Variants in CFAP53 observed in about 807,000 individuals in gnomAD.
CFAP53 encodes cilia- and flagella-associated protein 53.
A neutral mutation model predicts 59.7 loss-of-function variants in CFAP53; 62 were observed. The observed-to-expected ratio is 1.04, with a 90% CI of 0.85 to 1.28. The LOEUF is 1.28. Among genes scored for constraint, CFAP53 ranks in the 50% most tolerant of loss-of-function variants. The pLI is 0.00. For synonymous variants in CFAP53, 218 were observed against 205.7 expected, an observed-to-expected ratio of 1.06 and a Z score of -0.51; for missense variants, 629 against 615.6, an observed-to-expected ratio of 1.02 and a Z score of -0.23.
chr18:50,227,343 TTA>T lies in CFAP53; in HGVS notation c.*36_*37del. 6.5e-7 allele frequency: 1 copy of T among 1,541,398 alleles called. No homozygotes were observed. Among genetic ancestry groups the T allele is most frequent in the Non-Finnish European group, 8.9e-7 (1 of 1,117,996 alleles). On this transcript the variant is annotated 3_prime_UTR_variant, in exon 8 of 8. Transcript: ENST00000398545. ...TACAAGCATACTGTAGTTAAAAATA[TTA>T]AAAGACCAAGAAAAGATATATTGAT...
intron 7 of CFAP53, among the ~76,000 whole-genome samples, chr18:50,232,657 T>A (rs1261515188): frequency 6.6e-6 from 1 of 152,222 alleles, no homozygotes; most frequent in Non-Finnish European, 1.5e-5. Flanking sequence ...AATGGCCTTA[T>A]GCTAAATAGG....
intron 3 of CFAP53, among the ~76,000 whole-genome samples, chr18:50,254,136 T>TAA (rs1555672518): frequency 4.2e-5 from 6 of 141,604 alleles, no homozygotes; most frequent in African/African-American, 1.3e-4. Context: ...AAAAACCATT[T>TAA]AAAAAAAAAA....
At chr18:50,255,494 C>G (rs1009974977) in intron 3 of CFAP53, among the ~76,000 whole-genome samples, 1 of 151,592 alleles carries the variant, frequency 6.6e-6, no homozygotes, top group Admixed American at 6.6e-5. Context: ...TTGAGGGAAA[C>G]TAGGTGAAGG....
intron 5 of CFAP53, among the ~76,000 whole-genome samples, chr18:50,245,674 G>C (rs2033737270): frequency 6.6e-6 from 1 of 152,260 alleles, no homozygotes; most frequent in South Asian, 2.1e-4. Flanking sequence ...CTGTGAAAAT[G>C]ACAGCACTTC....
intron 1 of CFAP53, 86 bp downstream of exon 1, chr18:50,266,250 G>C: frequency 7.7e-7 from 1 of 1,302,510 alleles, no homozygotes; most frequent in Non-Finnish European, 1.1e-6. Context: ...AAGGCCCCGG[G>C]TGGGGGCCGA....
At chr18:50,266,237 G>A in intron 1 of CFAP53, 99 bp downstream of exon 1, 4 of 1,149,540 alleles carry the variant, frequency 3.5e-6, no homozygotes, top group South Asian at 1.3e-5. Flanking sequence ...CGTTCCCCTC[G>A]AGAAGGCCCC....
At chr18:50,252,391 A>T (rs2033809814) in intron 3 of CFAP53, among the ~76,000 whole-genome samples, 1 of 151,418 alleles carries the variant, frequency 6.6e-6, no homozygotes, top group South Asian at 2.1e-4. Flanking sequence ...GGCGTGAGCC[A>T]CCGTACCCAG....
At chr18:50,239,927 A>G (rs916382519) in intron 6 of CFAP53, among the ~76,000 whole-genome samples, 3 of 152,170 alleles carry the variant, frequency 2.0e-5, no homozygotes, top group African/African-American at 7.2e-5. Context: ...TTTTTTCAAT[A>G]TTTTCTATAA....
chr18:50,232,727 T>C (rs765191702), intron 7 of CFAP53, among the ~76,000 whole-genome samples: 14 of 152,212 alleles, frequency 9.2e-5, no homozygotes, highest in Non-Finnish European at 2.1e-4. Context: ...TTGGGAAGAA[T>C]TTATCCCACA....
intron 5 of CFAP53, among the ~76,000 whole-genome samples, chr18:50,247,288 A>T (rs556724567): frequency 2.6e-5 from 4 of 151,690 alleles, no homozygotes; most frequent in Non-Finnish European, 4.4e-5. Context: ...TGGGTAAAAT[A>T]AAAAAAACAG....
chr18:50,259,472 G>A (rs1429513395), intron 3 of CFAP53, among the ~76,000 whole-genome samples: 2 of 149,910 alleles, frequency 1.3e-5, no homozygotes, highest in Non-Finnish European at 3.0e-5. Flanking sequence ...GGGGTTGGGG[G>A]TGGAGGTGGG....
At position 50,237,304 on chromosome 18, in the gene CFAP53, C is replaced by CAAAAAAAAAAAA. The variant is rs143356494; in HGVS notation, c.1316+1287_1316+1298dup. ...TAGGTGACAGAGCAAGACTCCATCT[C>CAAAAAAAAAAAA]AAAAAAAAAAAAAAAAAAAAAAAAA... is the stretch of plus-strand genomic sequence containing the variant. On this transcript the variant is annotated intron_variant, in intron 7 of 7. Transcript: ENST00000398545. Among the ~76,000 whole-genome samples the CAAAAAAAAAAAA allele has an allele frequency of 8.6e-4, 8 of 9,342 alleles. 1 individual carries two copies. Among genetic ancestry groups the CAAAAAAAAAAAA allele is most frequent in the Non-Finnish European group, 1.3e-3 (5 of 3,840 alleles). The allele number at this position is 9,342 out of a possible 152,430, so 6.1% of individuals were successfully genotyped here. A position where few individuals can be genotyped will look rare whatever the true frequency, so the allele number is the denominator to read the frequency against.
intron 6 of CFAP53, among the ~76,000 whole-genome samples, chr18:50,241,819 G>T (rs572593319): frequency 1.3e-5 from 2 of 152,200 alleles, no homozygotes; most frequent in East Asian, 3.9e-4. Flanking sequence ...CACTGTGCAC[G>T]CATTGTCTTG....
intron 3 of CFAP53, 38 bp downstream of exon 3, chr18:50,261,026 A>G (rs2033887341): frequency 6.3e-7 from 1 of 1,576,804 alleles, no homozygotes; most frequent in Admixed American, 2.0e-5. Flanking sequence ...TAATGTACCA[A>G]CTTTGGATTC....
chr18:50,237,097 G>C (rs2033641187), intron 7 of CFAP53, among the ~76,000 whole-genome samples: 1 of 150,852 alleles, frequency 6.6e-6, no homozygotes, highest in Admixed American at 6.7e-5. Flanking sequence ...ACGAGGTCAG[G>C]AGTTCAAGAC....
intron 6 of CFAP53, 39 bp from the exon 7 acceptor site, chr18:50,238,744 C>T (rs973330550): frequency 4.7e-6 from 7 of 1,492,606 alleles, no homozygotes; most frequent in Non-Finnish European, 6.5e-6. Context: ...AAATGACTTT[C>T]AGACAAGAAT....
chr18:50,263,680 C>T (rs1189555212), intron 1 of CFAP53, among the ~76,000 whole-genome samples: 1 of 152,120 alleles, frequency 6.6e-6, no homozygotes, highest in Non-Finnish European at 1.5e-5. Flanking sequence ...ACAGTGGCAC[C>T]CTTGGCAGCA....
intron 4 of CFAP53, among the ~76,000 whole-genome samples, 184 bp downstream of exon 4, chr18:50,251,297 T>G (rs919165217): frequency 6.6e-6 from 1 of 152,206 alleles, no homozygotes; most frequent in African/African-American, 2.4e-5. Context: ...CTTCCACACT[T>G]GACCCTTCTA....
Position 50,256,261 on chromosome 18 carries a change from G to A in CFAP53, c.474-4477C>T, listed in dbSNP as rs1228823108. 2.0e-5 allele frequency: 3 copies of A among 152,148 alleles called. No individual in the cohort carries two copies. In the East Asian group the frequency reaches 5.8e-4, roughly 29 times the overall value. 9.4% of individuals were successfully genotyped at this position (152,148 alleles called of 1,614,324 possible). A position where few individuals can be genotyped will look rare whatever the true frequency, so the allele number is the denominator to read the frequency against. ...ATGAATGGTCCATTGAGAGTCACTT[G>A]GCTAATATACCATTTTCCACCCACA... On this transcript the variant is annotated intron_variant, in intron 3 of 7. Coordinates refer to ENST00000398545, the MANE Select transcript of CFAP53 (RefSeq NM_145020.5).
Sources: allele counts gnomAD v4.1 joint callset (sites outside exome capture counted in the v4.1 genomes callset), GRCh38; gene constraint gnomAD v4.1.1; transcripts MANE v1.5; gene names NCBI Gene and HGNC (gene_info 2026-07-23, HGNC 2026-07-21).